GALNT13: variants seen among roughly 807,000 people sequenced by gnomAD.
The protein encoded by GALNT13 is UDP-GalNAc:polypeptide N-acetylgalactosaminyltransferase 13.
GALNT13 carries 28 observed loss-of-function variants against 64.2 expected under a neutral mutation model. The observed-to-expected ratio is 0.44, with a 90% CI of 0.32 to 0.60. GALNT13 has a LOEUF of 0.60. Among genes scored for constraint, GALNT13 ranks in the 20% least tolerant of loss-of-function variants. The pLI is 0.05. For synonymous variants in GALNT13, 214 were observed against 224.6 expected (o/e 0.95, Z 0.42); for missense variants, 577 against 669.8 (o/e 0.86, Z 1.53).
At chr2:153,383,093 A>C in the GALNT13 span, among the ~76,000 whole-genome samples, 1 of 152,088 alleles carries the variant, frequency 6.6e-6, no homozygotes, top group African/African-American at 2.4e-5. Context: ...TCAAATGTTC[A>C]GTTTCTTTTA....
the GALNT13 span, chr2:153,159,051 C>A: frequency 5.6e-6 from 1 of 177,990 alleles, no homozygotes; most frequent in Non-Finnish European, 1.3e-5. Context: ...CACAGGGCAG[C>A]CATGTCTTGC....
the GALNT13 span, among the ~76,000 whole-genome samples, chr2:153,114,194 G>T: frequency 2.0e-5 from 3 of 152,078 alleles, no homozygotes; most frequent in Non-Finnish European, 4.4e-5. Flanking sequence ...ATGCCAGGAT[G>T]TGCTCAAAAT....
chr2:153,346,627 G>C, the GALNT13 span, among the ~76,000 whole-genome samples: 2 of 152,058 alleles, frequency 1.3e-5, no homozygotes, highest in Non-Finnish European at 2.9e-5. Context: ...ATGATCCAAA[G>C]TGTTCTTAAT....
At chr2:154,393,994 C>T (rs919755407) in intron 9 of GALNT13, among the ~76,000 whole-genome samples, 2 of 132,046 alleles carry the variant, frequency 1.5e-5, no homozygotes, top group African/African-American at 2.8e-5. Flanking sequence ...AGGAGAATGG[C>T]GTGAACCCGG....
chr2:153,991,139 C>T (rs796476835), intron 3 of GALNT13, among the ~76,000 whole-genome samples: 4 of 152,162 alleles, frequency 2.6e-5, no homozygotes, highest in South Asian at 2.1e-4. Flanking sequence ...CACAGCATTG[C>T]ATAGATTTCA....
At chr2:153,291,017 G>A in the GALNT13 span, among the ~76,000 whole-genome samples, 1 of 152,064 alleles carries the variant, frequency 6.6e-6, no homozygotes. Context: ...TGGTTTATTA[G>A]AGATTCTTTG....
chr2:154,431,980 T>C (rs960019324), intron 11 of GALNT13, among the ~76,000 whole-genome samples: 2 of 152,202 alleles, frequency 1.3e-5, no homozygotes. Context: ...TATGTCCTTA[T>C]AGCAGTGTGA....
chr2:154,077,185 G>A (rs961746840), intron 3 of GALNT13, among the ~76,000 whole-genome samples: 3 of 151,434 alleles, frequency 2.0e-5, no homozygotes, highest in East Asian at 1.9e-4. Context: ...GTATAAATGC[G>A]GCTGAGTATA....
intron 4 of GALNT13, among the ~76,000 whole-genome samples, chr2:154,180,347 A>G (rs1460929131): frequency 1.3e-5 from 2 of 152,052 alleles, no homozygotes; most frequent in Non-Finnish European, 2.9e-5. Flanking sequence ...CATAGCTAGT[A>G]TATTAAACAT....
At chr2:154,020,579 C>T (rs1307724151) in intron 3 of GALNT13, among the ~76,000 whole-genome samples, 2 of 151,876 alleles carry the variant, frequency 1.3e-5, no homozygotes, top group South Asian at 4.2e-4. Context: ...TGTTTGAGTT[C>T]ATTGTAGATT....
At chr2:153,719,018 G>A in the GALNT13 span, among the ~76,000 whole-genome samples, 5 of 152,118 alleles carry the variant, frequency 3.3e-5, no homozygotes, top group African/African-American at 1.2e-4. Flanking sequence ...AACTGTATTA[G>A]GTTAACTCCC....
the GALNT13 span, among the ~76,000 whole-genome samples, chr2:153,428,595 G>T: frequency 1.3e-5 from 2 of 152,156 alleles, no homozygotes; most frequent in Admixed American, 1.3e-4. Flanking sequence ...ATTATAAAGT[G>T]CTCCTTATAA....
the GALNT13 span, among the ~76,000 whole-genome samples, chr2:153,154,482 C>A: frequency 2.8e-4 from 42 of 152,176 alleles, no homozygotes; most frequent in African/African-American, 9.6e-4. Context: ...TAGCTATATT[C>A]CTAGGTATTT....
chr2:154,363,266 C>T (rs1697179558), intron 9 of GALNT13, among the ~76,000 whole-genome samples: 1 of 152,214 alleles, frequency 6.6e-6, no homozygotes. Flanking sequence ...CTCTGCCTTC[C>T]CAGTATGGCT....
At chr2:154,324,196 TG>T (rs1017913536) in intron 9 of GALNT13, among the ~76,000 whole-genome samples, 2 of 152,070 alleles carry the variant, frequency 1.3e-5, no homozygotes, top group Admixed American at 1.3e-4. Context: ...TTTTGTCTTT[TG>T]GTTTATGCTC....
At chr2:154,306,097 A>G (rs1693714154) in intron 9 of GALNT13, among the ~76,000 whole-genome samples, 1 of 152,068 alleles carries the variant, frequency 6.6e-6, no homozygotes, top group Non-Finnish European at 1.5e-5. Context: ...CTGGATAAGG[A>G]CCCACTGTTA....
chr2:153,944,719 A>G, intron 3 of GALNT13, 80 bp downstream of exon 3: 1 of 1,290,182 alleles, frequency 7.8e-7, no homozygotes, highest in Non-Finnish European at 1.1e-6. Flanking sequence ...CTTCAGAATC[A>G]GAAGAGTTTT....
chr2:153,249,019 G>A, the GALNT13 span, among the ~76,000 whole-genome samples: 2 of 152,100 alleles, frequency 1.3e-5, no homozygotes, highest in Non-Finnish European at 2.9e-5. Context: ...AATATTGAAA[G>A]TTCTAGCCAG....
At chr2:153,469,248 G>A in the GALNT13 span, among the ~76,000 whole-genome samples, 29 of 152,176 alleles carry the variant, frequency 1.9e-4, no homozygotes, top group East Asian at 5.4e-3. Flanking sequence ...TCCAGCCTCA[G>A]ATTCAGGTCT....
Sources: allele counts gnomAD v4.1 joint callset (sites outside exome capture counted in the v4.1 genomes callset), GRCh38; gene constraint gnomAD v4.1.1; transcripts MANE v1.5; gene names NCBI Gene and HGNC (gene_info 2026-07-23, HGNC 2026-07-21).